Variants in CLIP2 observed in about 807,000 individuals in gnomAD.
The protein encoded by CLIP2 is CAP-Gly domain-containing linker protein 2.
In CLIP2, 41 loss-of-function variants were observed where a neutral mutation model predicts 111.7. That is an observed-to-expected ratio of 0.37 (90% CI 0.29 to 0.48). CLIP2 has a LOEUF of 0.48. CLIP2 is among the 20% of genes least tolerant of loss of function. The pLI is 0.99. For synonymous variants in CLIP2, 660 were observed against 644.2 expected, an observed-to-expected ratio of 1.02 and a Z score of -0.37; for missense variants, 1,160 against 1,422.1, an observed-to-expected ratio of 0.82 and a Z score of 2.96.
Position 74,364,438 on chromosome 7 carries a change from A to G in CLIP2, c.1380+123A>G. On this transcript the variant is annotated intron_variant, in intron 8 of 16. Transcript: ENST00000223398. Reference sequence around the variant, plus strand: ...CCCCGGGGAAGGGGCTGGGGGGGAAAATGGGGAAGGATCAAAGGTCTGATG... The same window carrying G: ...CCCCGGGGAAGGGGCTGGGGGGGAAGATGGGGAAGGATCAAAGGTCTGATG... 7.6e-6 allele frequency: 6 copies of G among 791,968 alleles called. 1 individual carries two copies. The South Asian group carries it at 1.0e-4, about 13-fold the overall frequency. The allele number at this position is 791,968 out of a possible 1,614,324, so 49.1% of individuals were successfully genotyped here.
rs185246812 is a variant in CLIP2 at position 74,393,374 on chromosome 7, T to G, written c.2721-3700T>G. On this transcript the variant is annotated intron_variant, in intron 13 of 16. Coordinates refer to ENST00000223398, the MANE Select transcript of CLIP2 (RefSeq NM_003388.5). ...TTTTTGAGATGGAGTTTTGCTCTTG[T>G]TGTCCAGGCTGGAGTGCAGTGGCAC... 2.5e-3 allele frequency among the ~76,000 whole-genome samples: 364 copies of G among 145,932 alleles called. 1 individual carries two copies. The highest frequency in any genetic ancestry group is 4.5e-3 in the Non-Finnish European group (299 of 66,816).
intron 8 of CLIP2, chr7:74,364,983 C>G (rs1790436455): frequency 5.3e-6 from 2 of 376,968 alleles, no homozygotes; most frequent in South Asian, 3.9e-5. Flanking sequence ...ATGATTGCGC[C>G]TGTTTTTTGT....
At chr7:74,302,502 C>T (rs1788367748) in intron 1 of CLIP2, among the ~76,000 whole-genome samples, 1 of 152,132 alleles carries the variant, frequency 6.6e-6, no homozygotes, top group Non-Finnish European at 1.5e-5. Flanking sequence ...GATGCCTCCT[C>T]TAAAACTGAG....
chr7:74,386,055 T>TC (rs1791086923), intron 11 of CLIP2, among the ~76,000 whole-genome samples: 1 of 143,090 alleles, frequency 7.0e-6, no homozygotes, highest in Non-Finnish European at 1.5e-5. Context: ...TTTTTTTTTT[T>TC]TTTTCTTTTT....
Position 74,386,620 on chromosome 7 carries a change from G to T in CLIP2, c.2563+16G>T. 1 of 1,588,602 alleles carries T rather than the reference G, an allele frequency of 6.3e-7. No homozygotes were observed. On this transcript the variant is annotated intron_variant, in intron 12 of 16. Coordinates refer to ENST00000223398, the MANE Select transcript of CLIP2 (RefSeq NM_003388.5). ...CAAGTAAGTGGTAAGTCTCCCTCCC[G>T]CAGGGCAGATGCGGGGGGCTTTCAC...
chr7:74,336,890 G>GT (rs57582472), intron 2 of CLIP2, among the ~76,000 whole-genome samples: 20 of 121,660 alleles, frequency 1.6e-4, no homozygotes, highest in South Asian at 1.0e-3. Flanking sequence ...TTTTTGTTTT[G>GT]TTTTTTTTTT....
chr7:74,306,619 G>A (rs1221951222), intron 1 of CLIP2, among the ~76,000 whole-genome samples: 2 of 152,202 alleles, frequency 1.3e-5, no homozygotes, highest in Admixed American at 6.6e-5. Context: ...AATGGAAGGC[G>A]TGAAATGCAG....
chr7:74,328,059 T>C (rs1426323039), intron 2 of CLIP2, among the ~76,000 whole-genome samples: 1 of 152,016 alleles, frequency 6.6e-6, no homozygotes, highest in Non-Finnish European at 1.5e-5. Flanking sequence ...AACCCTTCTT[T>C]AGGGCTGGAT....
At chr7:74,364,405 C>G in intron 8 of CLIP2, 90 bp downstream of exon 8, 1 of 1,147,912 alleles carries the variant, frequency 8.7e-7, no homozygotes, top group South Asian at 1.3e-5. Flanking sequence ...AGCAGCACCT[C>G]TAGGCCCCCC....
chr7:74,294,943 A>G (rs1788128336), intron 1 of CLIP2, among the ~76,000 whole-genome samples: 1 of 151,996 alleles, frequency 6.6e-6, no homozygotes, highest in Non-Finnish European at 1.5e-5. Context: ...TCCTGGAGGA[A>G]TAGAACTGGG....
intron 8 of CLIP2, among the ~76,000 whole-genome samples, chr7:74,369,187 C>G (rs1238541658): frequency 6.6e-6 from 1 of 152,048 alleles, no homozygotes; most frequent in East Asian, 1.9e-4. Context: ...CCTGTCTCTA[C>G]TAAAAATACA....
At chr7:74,324,012 T>G (rs999787647) in intron 2 of CLIP2, among the ~76,000 whole-genome samples, 1 of 152,170 alleles carries the variant, frequency 6.6e-6, no homozygotes, top group Admixed American at 6.5e-5. Flanking sequence ...TTTATTTTTA[T>G]TTTTTGAGAT....
At chr7:74,390,217 GAAA>G (rs1562726985) in intron 13 of CLIP2, among the ~76,000 whole-genome samples, 34 of 86,642 alleles carry the variant, frequency 3.9e-4, no homozygotes, top group African/African-American at 9.5e-4. Context: ...AAGAAAGAAA[GAAA>G]GAAAGGATTA....
chr7:74,299,801 C>T lies in CLIP2; in HGVS notation c.-68+10067C>T, dbSNP rs541420012. Among the ~76,000 whole-genome samples the T allele has an allele frequency of 1.3e-4, 20 of 152,046 alleles. No homozygotes were observed. In the South Asian group the frequency reaches 3.1e-3, roughly 24 times the overall value. ...GCATCCTCCACCTTCCGGGTTCAAG[C>T]GATTCTCCTGCCTCAGCCTCCCAAG... On this transcript the variant is annotated intron_variant, in intron 1 of 16. Coordinates refer to ENST00000223398, the MANE Select transcript of CLIP2 (RefSeq NM_003388.5).
Position 74,380,870 on chromosome 7 carries a change from G to A in CLIP2, c.2479+7G>A. 2 of 1,613,564 alleles carry A rather than the reference G, an allele frequency of 1.2e-6. No homozygotes were observed. The highest frequency in any genetic ancestry group is 1.7e-6 in the Non-Finnish European group (2 of 1,179,578). On this transcript the variant is annotated splice_region_variant and intron_variant, in intron 11 of 16. Coordinates refer to ENST00000223398, the MANE Select transcript of CLIP2 (RefSeq NM_003388.5). ...ACGAAGGAAACTGTGGAGGGTGAGT[G>A]GCCACCAGGCCGGGCGGGACTCTGG...
At chr7:74,398,176 T>C (rs1331863139) in intron 14 of CLIP2, among the ~76,000 whole-genome samples, 1 of 151,520 alleles carries the variant, frequency 6.6e-6, no homozygotes, top group East Asian at 2.0e-4. Context: ...CTGGCCAACA[T>C]GGCGAAACCC....
chr7:74,298,606 C>T (rs1381465908), intron 1 of CLIP2, among the ~76,000 whole-genome samples: 1 of 152,038 alleles, frequency 6.6e-6, no homozygotes, highest in African/African-American at 2.4e-5. Flanking sequence ...GATCTCGGCT[C>T]ACTGCGGCCT....
At chr7:74,361,119 C>T (rs1790314270) in intron 7 of CLIP2, among the ~76,000 whole-genome samples, 1 of 147,320 alleles carries the variant, frequency 6.8e-6, no homozygotes, top group Admixed American at 6.7e-5. Context: ...TTTTTCCCTC[C>T]CTCCCTCCCT....
At chr7:74,325,425 C>T (rs1554730577) in intron 2 of CLIP2, among the ~76,000 whole-genome samples, 1 of 152,000 alleles carries the variant, frequency 6.6e-6, no homozygotes, top group Admixed American at 6.6e-5. Context: ...ACAGGGTGGT[C>T]AGGGACGGCC....
Sources: allele counts gnomAD v4.1 joint callset (sites outside exome capture counted in the v4.1 genomes callset), GRCh38; gene constraint gnomAD v4.1.1; transcripts MANE v1.5; gene names NCBI Gene and HGNC (gene_info 2026-07-23, HGNC 2026-07-21).